MBD5: variants seen among roughly 807,000 people sequenced by gnomAD.
MBD5 encodes the protein methyl-CpG-binding domain protein 5.
In MBD5, 13 loss-of-function variants were observed where a neutral mutation model predicts 117.3. That is an observed-to-expected ratio of 0.11 (90% CI 0.07 to 0.18). MBD5 has a LOEUF of 0.18. Among genes scored for constraint, MBD5 ranks in the 10% least tolerant of loss-of-function variants. The probability of loss-of-function intolerance (pLI) is 1.00; values close to 1 mark genes in which losing one functional copy is unlikely to be tolerated. For missense variants in MBD5, 1,879 were observed against 2,093.8 expected (o/e 0.90, Z 2.00); for synonymous variants, 727 against 766.4 (o/e 0.95, Z 0.85).
chr2:148,230,852 A>C (rs934224013), intron 2 of MBD5, among the ~76,000 whole-genome samples: 2 of 152,112 alleles, frequency 1.3e-5, no homozygotes, highest in Non-Finnish European at 2.9e-5. Flanking sequence ...TTCACTAGCA[A>C]GATCTGGAAA....
At chr2:148,124,491 T>G (rs967492995) in intron 1 of MBD5, among the ~76,000 whole-genome samples, 4 of 150,990 alleles carry the variant, frequency 2.6e-5, no homozygotes, top group African/African-American at 9.8e-5. Flanking sequence ...GGTGGAAGGA[T>G]TGCCTGAGAC....
intron 2 of MBD5, among the ~76,000 whole-genome samples, chr2:148,187,260 A>T (rs549597184): frequency 6.6e-6 from 1 of 152,180 alleles, no homozygotes; most frequent in East Asian, 1.9e-4. Flanking sequence ...GTAAAGTAAA[A>T]ACTGAATTAG....
rs557895131 is a variant in MBD5 at position 148,306,877 on chromosome 2, A to G, written c.-679-35337A>G. 4.6e-5 allele frequency among the ~76,000 whole-genome samples: 7 copies of G among 152,324 alleles called. No homozygotes were observed. The East Asian group carries it at 1.2e-3, about 25-fold the overall frequency. On this transcript the variant is annotated intron_variant, in intron 3 of 13. Coordinates refer to ENST00000642680, the MANE Select transcript of MBD5 (RefSeq NM_001378120.1). ...GGCAAAGTCCTATGAATGTCATACA[A>G]TTTCTGGAATATTTATATCAATGAC...
At chr2:148,158,258 A>C (rs1343719449) in intron 1 of MBD5, among the ~76,000 whole-genome samples, 1 of 152,234 alleles carries the variant, frequency 6.6e-6, no homozygotes, top group Non-Finnish European at 1.5e-5. Context: ...TCAAGAGAAA[A>C]TGTCATGAAA....
chr2:148,271,826 T>C (rs1700993854), intron 3 of MBD5, among the ~76,000 whole-genome samples: 1 of 152,204 alleles, frequency 6.6e-6, no homozygotes, highest in South Asian at 2.1e-4. Context: ...TGTCATTGTG[T>C]CATAATACAA....
At chr2:148,069,677 A>G (rs183587481) in intron 1 of MBD5, among the ~76,000 whole-genome samples, 5 of 152,168 alleles carry the variant, frequency 3.3e-5, no homozygotes, top group African/African-American at 1.2e-4. Flanking sequence ...TAATTAATTA[A>G]TTAATTAAAA....
rs140306148 is a variant in MBD5 at position 148,444,556 on chromosome 2, AACAG to A, written c.-556-13641_-556-13638del. ...TGAGTACGATATTAGAAATGTTATT[AACAG>A]ACAGAAATATAAAATCTTCAATATT... On this transcript the variant is annotated intron_variant, in intron 4 of 13. Coordinates refer to ENST00000642680, the MANE Select transcript of MBD5 (RefSeq NM_001378120.1). Among the ~76,000 whole-genome samples, 1,276 of 151,394 alleles carry A rather than the reference AACAG, an allele frequency of 8.4e-3. 66 individuals are homozygous for A. Among genetic ancestry groups the A allele is most frequent in the African/African-American group, 0.03 (1,212 of 40,752 alleles).
At chr2:148,196,284 A>G (rs896294259) in intron 2 of MBD5, 5 of 152,020 alleles carry the variant, frequency 3.3e-5, no homozygotes, top group African/African-American at 1.2e-4. Flanking sequence ...ATTTCCATGG[A>G]TGTTAGATCT....
chr2:148,308,491 C>CTTTTTTTTTTTT (rs60650324), intron 3 of MBD5, among the ~76,000 whole-genome samples: 1 of 66,772 alleles, frequency 1.5e-5, no homozygotes, highest in African/African-American at 4.9e-5. Context: ...GGGGTTCTTT[C>CTTTTTTTTTTTT]TTTTTTTTTT....
At chr2:148,371,098 A>G (rs73015161) in intron 4 of MBD5, among the ~76,000 whole-genome samples, 1,952 of 152,326 alleles carry the variant, frequency 0.013, 51 homozygotes, top group African/African-American at 0.045. Flanking sequence ...AGATATATGT[A>G]TAAGCATTTC....
intron 2 of MBD5, among the ~76,000 whole-genome samples, chr2:148,187,314 C>G (rs547287578): frequency 1.4e-5 from 2 of 146,194 alleles, no homozygotes; most frequent in African/African-American, 5.0e-5. Context: ...ATACCCCCCC[C>G]AAAAAAAAAA....
At chr2:148,028,187 A>G (rs1693950304) in intron 1 of MBD5, 1 of 152,058 alleles carries the variant, frequency 6.6e-6, no homozygotes. Flanking sequence ...AATTAAGTTC[A>G]GTGTCATTGA....
intron 1 of MBD5, among the ~76,000 whole-genome samples, chr2:148,176,301 TTTG>T (rs1359458657): frequency 4.9e-4 from 71 of 143,442 alleles, no homozygotes; most frequent in African/African-American, 1.7e-3. Context: ...TTATTAGAGT[TTTG>T]TTTTTTTTTT....
chr2:148,099,346 T>C (rs1015152212), intron 1 of MBD5, among the ~76,000 whole-genome samples: 4 of 152,164 alleles, frequency 2.6e-5, no homozygotes, highest in Non-Finnish European at 5.9e-5. Flanking sequence ...TAGAATACTT[T>C]TGTCAATTCA....
chr2:148,453,329 A>G (rs1979038), intron 4 of MBD5, among the ~76,000 whole-genome samples: 112,920 of 152,068 alleles, frequency 0.74, 47,055 homozygotes, highest in East Asian at 0.98. Flanking sequence ...AGCCATTTCC[A>G]GAGACTAATT....
At chr2:148,200,195 C>G (rs1315542201) in intron 2 of MBD5, among the ~76,000 whole-genome samples, 1 of 148,922 alleles carries the variant, frequency 6.7e-6, no homozygotes, top group Non-Finnish European at 1.5e-5. Flanking sequence ...CTTTTTCCCC[C>G]CTAAGATTTA....
Position 148,188,657 on chromosome 2 carries a change from T to A in MBD5, c.-831+9864T>A, listed in dbSNP as rs1205297886. Among the ~76,000 whole-genome samples, 4 of 137,728 alleles carry A rather than the reference T, an allele frequency of 2.9e-5. No homozygotes were observed. In the East Asian group the frequency reaches 8.6e-4, roughly 30 times the overall value. 90.4% of individuals were successfully genotyped at this position (137,728 alleles called of 152,430 possible). A position where few individuals can be genotyped will look rare whatever the true frequency, so the allele number is the denominator to read the frequency against. On this transcript the variant is annotated intron_variant, in intron 2 of 13. Coordinates refer to ENST00000642680, the MANE Select transcript of MBD5 (RefSeq NM_001378120.1). Reference sequence around the variant, plus strand: ...ATGATTGCGCCACTGCACTGTAGCCTGGGCAACAGTGTGAGACCCTGTCTC... The same window carrying A: ...ATGATTGCGCCACTGCACTGTAGCCAGGGCAACAGTGTGAGACCCTGTCTC...
At chr2:148,486,225 C>G (rs561217323) in intron 10 of MBD5, among the ~76,000 whole-genome samples, 4 of 152,082 alleles carry the variant, frequency 2.6e-5, no homozygotes, top group Admixed American at 2.6e-4. Context: ...TATCATTGTT[C>G]TCATGACTGA....
intron 4 of MBD5, among the ~76,000 whole-genome samples, chr2:148,402,662 A>G (rs534160871): frequency 1.3e-5 from 2 of 152,148 alleles, no homozygotes; most frequent in Non-Finnish European, 1.5e-5. Flanking sequence ...CACTCAGGAT[A>G]ATTATTTTGA....
Sources: gnomAD v4.1 joint callset for allele counts (sites outside exome capture counted in the v4.1 genomes callset) on GRCh38, gnomAD v4.1.1 for gene constraint, MANE v1.5 for transcripts, NCBI Gene and HGNC (gene_info 2026-07-23, HGNC 2026-07-21) for gene names.